The following FARP1 variants were observed in gnomAD, a reference collection of about 807,000 sequenced individuals.
FARP1 encodes FERM, ARHGEF and pleckstrin domain-containing protein 1.
FARP1 carries 52 observed loss-of-function variants against 128.8 expected under a neutral mutation model. The observed-to-expected ratio is 0.40, with a 90% CI of 0.32 to 0.51. FARP1 has a LOEUF of 0.51. Among genes scored for constraint, FARP1 ranks in the 20% least tolerant of loss-of-function variants. The pLI is 0.45. For missense variants in FARP1, 1,333 were observed against 1,367.9 expected (o/e 0.97, Z 0.40); for synonymous variants, 580 against 551.8 (o/e 1.05, Z -0.72).
chr13:98,294,655 CTTTG>C (rs541650076), intron 2 of FARP1, among the ~76,000 whole-genome samples: 49 of 152,194 alleles, frequency 3.2e-4, no homozygotes, highest in African/African-American at 1.1e-3. Context: ...TAGAGATTGG[CTTTG>C]TTTGTTGTAT....
chr13:98,395,144 G>A, intron 12 of FARP1, 83 bp from the exon 13 acceptor site: 1 of 1,486,036 alleles, frequency 6.7e-7, no homozygotes, highest in Non-Finnish European at 9.0e-7. Context: ...GTTCTTGCCT[G>A]GCTCTCCTTT....
chr13:98,215,570 AT>A (rs1007355328), intron 2 of FARP1, among the ~76,000 whole-genome samples: 2 of 152,232 alleles, frequency 1.3e-5, no homozygotes, highest in Admixed American at 6.5e-5. Flanking sequence ...GTTTGGAGCA[AT>A]TCTTGACATG....
At chr13:98,179,663 G>C (rs1878361157) in intron 1 of FARP1, among the ~76,000 whole-genome samples, 1 of 151,974 alleles carries the variant, frequency 6.6e-6, no homozygotes, top group Non-Finnish European at 1.5e-5. Context: ...AGGAGATCGA[G>C]ACCATCCTGG....
rs146822735 is a variant in FARP1 at position 98,239,373 on chromosome 13, T to C, written c.171+25960T>C. ...CTGGCTCCACTGCCCCTTTATTGCG[T>C]GCTTGCAATTGGAGCTCTTTGGGCC... On this transcript the variant is annotated intron_variant, in intron 2 of 26. Coordinates refer to ENST00000319562, the MANE Select transcript of FARP1 (RefSeq NM_005766.4). Among the ~76,000 whole-genome samples, 129 of 152,366 alleles carry C rather than the reference T, an allele frequency of 8.5e-4. 1 individual carries two copies. Among genetic ancestry groups the C allele is most frequent in the African/African-American group, 3.0e-3 (123 of 41,592 alleles).
chr13:98,257,001 T>C (rs1883651284), intron 2 of FARP1, among the ~76,000 whole-genome samples: 1 of 126,464 alleles, frequency 7.9e-6, no homozygotes, highest in African/African-American at 2.8e-5. Flanking sequence ...ACCGAAAGAT[T>C]TCCCTTCTGA....
chr13:98,448,473 C>T lies in FARP1; in HGVS notation c.*156C>T, dbSNP rs1230941544. On this transcript the variant is annotated 3_prime_UTR_variant, in exon 27 of 27. Transcript: ENST00000319562. ...TCTCCACAGCCGCGTTTTTTAACCC[C>T]GACCTCTCAGCGTCTGAATGAACAG... The T allele has an allele frequency of 9.5e-6, 6 of 631,326 alleles. No homozygotes were observed. Among genetic ancestry groups the T allele is most frequent in the Admixed American group, 8.0e-5 (3 of 37,324 alleles). 39.1% of individuals were successfully genotyped at this position (631,326 alleles called of 1,614,324 possible).
intron 2 of FARP1, among the ~76,000 whole-genome samples, chr13:98,281,467 C>CA (rs781180075): frequency 1.5e-3 from 223 of 152,220 alleles, no homozygotes; most frequent in Middle Eastern, 3.4e-3. Context: ...TCTTTAATCA[C>CA]AGTGCAGTTA....
intron 16 of FARP1, among the ~76,000 whole-genome samples, chr13:98,414,460 A>G (rs1356621500): frequency 6.6e-6 from 1 of 152,184 alleles, no homozygotes; most frequent in Non-Finnish European, 1.5e-5. Flanking sequence ...AGGAATTCCA[A>G]GGGAAAAAGG....
intron 10 of FARP1, chr13:98,390,464 T>C (rs1890263807): frequency 2.3e-6 from 1 of 431,378 alleles, no homozygotes; most frequent in African/African-American, 2.0e-5. Flanking sequence ...TTTTAACAAA[T>C]CATTGTCTGC....
At chr13:98,274,509 T>C (rs1884543382) in intron 2 of FARP1, among the ~76,000 whole-genome samples, 1 of 152,202 alleles carries the variant, frequency 6.6e-6, no homozygotes, top group Non-Finnish European at 1.5e-5. Flanking sequence ...ATAATAGTTT[T>C]TTTTTTAACA....
At chr13:98,145,371 C>A (rs1315986469) in intron 1 of FARP1, among the ~76,000 whole-genome samples, 1 of 152,176 alleles carries the variant, frequency 6.6e-6, no homozygotes, top group Non-Finnish European at 1.5e-5. Flanking sequence ...CATTGATATT[C>A]TCTTCCTTTA....
chr13:98,158,058 A>G (rs1876614892), intron 1 of FARP1, among the ~76,000 whole-genome samples: 1 of 152,236 alleles, frequency 6.6e-6, no homozygotes, highest in Admixed American at 6.5e-5. Context: ...AATTCTATGC[A>G]TGACATATAT....
rs2139181575 is a variant in FARP1 at position 98,176,363 on chromosome 13, T to C, written c.-24+32871T>C. 2.5e-6 allele frequency: 4 copies of C among 1,614,194 alleles called. No individual in the cohort carries two copies. The highest frequency in any genetic ancestry group is 3.4e-6 in the Non-Finnish European group (4 of 1,180,018). ...ATGCCGCCGGTTGGCTGGTCACAGA[T>C]GTAGCAGCGCGGGGTGGCCCGGAAG... On this transcript the variant is annotated intron_variant, in intron 1 of 26. Coordinates refer to ENST00000319562, the MANE Select transcript of FARP1 (RefSeq NM_005766.4). This position sits in a 1 kb window ranked among gnomAD's most constrained non-coding sequence, Gnocchi z 6.2.
chr13:98,419,367 G>C (rs9554466), intron 16 of FARP1, among the ~76,000 whole-genome samples: 17,486 of 151,864 alleles, frequency 0.12, 1,488 homozygotes, highest in East Asian at 0.3. Context: ...CCAGCTACTC[G>C]GGAGGCAGAG....
chr13:98,309,445 A>G (rs1459515400), intron 2 of FARP1, among the ~76,000 whole-genome samples: 2 of 151,956 alleles, frequency 1.3e-5, no homozygotes, highest in Admixed American at 6.6e-5. Context: ...CTGGGATTAC[A>G]AGCGTGAGCC....
At chr13:98,373,186 A>G in intron 5 of FARP1, among the ~76,000 whole-genome samples, 1 of 152,140 alleles carries the variant, frequency 6.6e-6, no homozygotes, top group South Asian at 2.1e-4. Flanking sequence ...CTCGCAGCCC[A>G]TGTGTGATTG....
chr13:98,412,057 GC>G lies in FARP1; in HGVS notation c.1826+24del, dbSNP rs775526583. 40 of 1,608,580 alleles carry G rather than the reference GC, an allele frequency of 2.5e-5. No homozygotes were observed. In the African/African-American group the frequency reaches 4.7e-4, roughly 19 times the overall value. On this transcript the variant is annotated intron_variant, in intron 16 of 26. Transcript: ENST00000319562. ...GTGGTGAGTACATTTCTACTTCCCA[GC>G]TACGTTCCTCCCTCCGTCTTGCTTG... is the stretch of plus-strand genomic sequence containing the variant.
In FARP1 at chr13:98,182,152, T is replaced by G. The variant is rs1878579760; in HGVS notation, c.-23-31068T>G. On this transcript the variant is annotated intron_variant, in intron 1 of 26. Coordinates refer to ENST00000319562, the MANE Select transcript of FARP1 (RefSeq NM_005766.4). ...AATTTTATCAGTTAATTATGAATTTTACAGTGTGAAGGATTGTAACATTTC... is the reference window on the plus strand; with the variant it reads ...AATTTTATCAGTTAATTATGAATTTGACAGTGTGAAGGATTGTAACATTTC... Among the ~76,000 whole-genome samples, 2 of 152,194 alleles carry G rather than the reference T, an allele frequency of 1.3e-5. 1 individual carries two copies. The highest frequency in any genetic ancestry group is 1.3e-4 in the Admixed American group (2 of 15,282).
chr13:98,185,941 G>T (rs576685560), intron 1 of FARP1, among the ~76,000 whole-genome samples: 3 of 151,928 alleles, frequency 2.0e-5, no homozygotes, highest in Non-Finnish European at 2.9e-5. Context: ...CAGGTGATCC[G>T]CCTGCCTCGG....
Sources: allele counts gnomAD v4.1 joint callset (sites outside exome capture counted in the v4.1 genomes callset), GRCh38; gene constraint gnomAD v4.1.1; non-coding constraint Gnocchi (gnomAD v3.1); transcripts MANE v1.5; gene names NCBI Gene and HGNC (gene_info 2026-07-23, HGNC 2026-07-21).